Variants in CPNE8 observed in about 807,000 individuals in gnomAD.
The protein encoded by CPNE8 is copine 8, also known as copine-8.
Under a neutral mutation model 81.5 loss-of-function variants are expected in CPNE8, and 45 were observed. The ratio of observed to expected loss-of-function variants is 0.55; its 90% confidence interval spans 0.44 to 0.71. The LOEUF (loss-of-function observed/expected upper bound fraction) is 0.71, where lower values mean the gene tolerates loss of function less well. Among genes scored for constraint, CPNE8 ranks in the 30% least tolerant of loss-of-function variants. CPNE8 has a pLI of 0.00. For synonymous variants in CPNE8, 252 were observed against 226.3 expected (o/e 1.11, Z -1.02); for missense variants, 594 against 672.1 (o/e 0.88, Z 1.28).
At chr12:38,766,195 T>G (rs1472689623) in intron 8 of CPNE8, among the ~76,000 whole-genome samples, 1 of 152,168 alleles carries the variant, frequency 6.6e-6, no homozygotes, top group Non-Finnish European at 1.5e-5. Flanking sequence ...CATTTTTTAA[T>G]AAAAGTATCA....
intron 1 of CPNE8, among the ~76,000 whole-genome samples, chr12:38,884,730 T>A (rs2137128792): frequency 6.6e-6 from 1 of 152,320 alleles, no homozygotes; most frequent in East Asian, 1.9e-4. Context: ...TATAGTGGTA[T>A]GAAGTAGTCA....
At chr12:38,681,062 G>A (rs1305446723) in intron 16 of CPNE8, among the ~76,000 whole-genome samples, 1 of 151,934 alleles carries the variant, frequency 6.6e-6, no homozygotes, top group Non-Finnish European at 1.5e-5. Context: ...TAAATCGAGT[G>A]AAGAAATTTT....
At chr12:38,889,577 C>T (rs1320324426) in intron 1 of CPNE8, among the ~76,000 whole-genome samples, 2 of 152,174 alleles carry the variant, frequency 1.3e-5, no homozygotes, top group Non-Finnish European at 2.9e-5. Flanking sequence ...CCTGATGACT[C>T]ATTATACAGG....
Position 38,794,464 on chromosome 12 carries a change from C to A in CPNE8, c.408-18163G>T, listed in dbSNP as rs532982731. Among the ~76,000 whole-genome samples the A allele has an allele frequency of 3.9e-5, 6 of 152,010 alleles. No individual in the cohort carries two copies. The East Asian group carries it at 9.7e-4, about 24-fold the overall frequency. On this transcript the variant is annotated intron_variant, in intron 6 of 19. Transcript: ENST00000331366. ...ATAAATAAGAGCTGCATAAAGAACT[C>A]CTCCCAATCTGATTTAAAAATGAGC...
intron 6 of CPNE8, among the ~76,000 whole-genome samples, chr12:38,794,851 G>A (rs76061928): frequency 0.028 from 4,308 of 152,202 alleles, 231 homozygotes; most frequent in East Asian, 0.19. Flanking sequence ...TGCCAAAGGA[G>A]ATTAACCTGT....
At chr12:38,682,616 C>T (rs1452044415) in intron 16 of CPNE8, among the ~76,000 whole-genome samples, 1 of 152,122 alleles carries the variant, frequency 6.6e-6, no homozygotes, top group Non-Finnish European at 1.5e-5. Context: ...TCAGTATATC[C>T]AAAGTACTGT....
At chr12:38,803,736 A>T (rs1306915919) in intron 6 of CPNE8, among the ~76,000 whole-genome samples, 2 of 148,360 alleles carry the variant, frequency 1.3e-5, no homozygotes, top group Non-Finnish European at 3.0e-5. Flanking sequence ...TTTGCAGACG[A>T]CATGATTGTT....
At chr12:38,872,325 C>G (rs1440094218) in intron 3 of CPNE8, among the ~76,000 whole-genome samples, 1 of 152,178 alleles carries the variant, frequency 6.6e-6, no homozygotes, top group African/African-American at 2.4e-5. Flanking sequence ...GGCAAATGCA[C>G]TCTGTGGCAC....
At chr12:38,753,053 A>C (rs1223872633) in intron 10 of CPNE8, among the ~76,000 whole-genome samples, 2 of 152,304 alleles carry the variant, frequency 1.3e-5, no homozygotes, top group African/African-American at 4.8e-5. Context: ...CACTATCTGA[A>C]GTTTCACCAG....
chr12:38,736,016 G>C (rs540966984), intron 10 of CPNE8, among the ~76,000 whole-genome samples: 3 of 151,724 alleles, frequency 2.0e-5, no homozygotes, highest in Non-Finnish European at 4.4e-5. Flanking sequence ...GATTACAATA[G>C]TACTCTGGGC....
In CPNE8 at chr12:38,829,386, GT is replaced by G; in HGVS notation, c.399del (p.Lys133AsnfsTer3). On this transcript the variant is annotated frameshift_variant, in exon 6 of 20. Coordinates refer to ENST00000331366, the MANE Select transcript of CPNE8 (RefSeq NM_153634.3). LOFTEE classifies it high-confidence loss of function. ...GAATTAAAAAATACTTACACTATTGGTTTTTCCAGGCGACTTCCCTGTGAAC... is the reference window on the plus strand; with the variant it reads ...GAATTAAAAAATACTTACACTATTGGTTTTCCAGGCGACTTCCCTGTGAAC... ...IVGSQGSRLE[K>X]PIVGIPGKKC... is the part of the protein sequence containing the mutation. 1 of 1,608,118 alleles carries G rather than the reference GT, an allele frequency of 6.2e-7. No individual in the cohort carries two copies. Among genetic ancestry groups the G allele is most frequent in the Non-Finnish European group, 8.5e-7 (1 of 1,174,664 alleles).
chr12:38,838,822 A>G (rs1334535713), intron 5 of CPNE8, among the ~76,000 whole-genome samples: 1 of 152,124 alleles, frequency 6.6e-6, no homozygotes, highest in Non-Finnish European at 1.5e-5. Flanking sequence ...AGGGGGCAGC[A>G]GTAAATGTGA....
At chr12:38,743,692 C>T (rs1316907613) in intron 10 of CPNE8, among the ~76,000 whole-genome samples, 1 of 151,968 alleles carries the variant, frequency 6.6e-6, no homozygotes, top group African/African-American at 2.4e-5. Flanking sequence ...ACTCCAGAGA[C>T]TAAATTTTAA....
intron 1 of CPNE8, among the ~76,000 whole-genome samples, chr12:38,890,196 T>C (rs1944294493): frequency 6.6e-6 from 1 of 152,188 alleles, no homozygotes; most frequent in Non-Finnish European, 1.5e-5. Context: ...ATTTTATAGC[T>C]ATAGCCACTA....
chr12:38,842,457 G>A (rs1258955853), intron 4 of CPNE8, among the ~76,000 whole-genome samples: 1 of 150,130 alleles, frequency 6.7e-6, no homozygotes, highest in Non-Finnish European at 1.5e-5. Context: ...CTCTTTCACT[G>A]TATTTTACAA....
At chr12:38,710,280 A>AC (rs1254777931) in intron 13 of CPNE8, among the ~76,000 whole-genome samples, 1 of 149,118 alleles carries the variant, frequency 6.7e-6, no homozygotes, top group African/African-American at 2.4e-5. Flanking sequence ...AAAAAAAAAA[A>AC]AAAAAAAACC....
chr12:38,757,331 A>C (rs1235718363), intron 10 of CPNE8, among the ~76,000 whole-genome samples: 1 of 151,996 alleles, frequency 6.6e-6, no homozygotes, highest in Non-Finnish European at 1.5e-5. Flanking sequence ...TGTTTTTAAA[A>C]AATCTACATT....
intron 6 of CPNE8, among the ~76,000 whole-genome samples, chr12:38,793,036 C>G (rs1002951815): frequency 2.6e-5 from 4 of 151,800 alleles, no homozygotes; most frequent in Admixed American, 6.6e-5. Context: ...ATTCCAGTAG[C>G]CTTTTATGAT....
intron 19 of CPNE8, among the ~76,000 whole-genome samples, chr12:38,667,759 T>C (rs1255007513): frequency 6.6e-6 from 1 of 152,150 alleles, no homozygotes; most frequent in African/African-American, 2.4e-5. Context: ...CCAATGTTAC[T>C]TTATGGTGAT....
Sources: allele counts gnomAD v4.1 joint callset (sites outside exome capture counted in the v4.1 genomes callset), GRCh38; gene constraint gnomAD v4.1.1; transcripts MANE v1.5; gene names NCBI Gene and HGNC (gene_info 2026-07-23, HGNC 2026-07-21).